ATXN7L1: variants seen among roughly 807,000 people sequenced by gnomAD.
ATXN7L1 encodes the protein ataxin 7 like 1.
Under a neutral mutation model 70.8 loss-of-function variants are expected in ATXN7L1, and 15 were observed. The observed-to-expected ratio is 0.21, with a 90% CI of 0.14 to 0.33. The LOEUF (loss-of-function observed/expected upper bound fraction) is 0.33, where lower values mean the gene tolerates loss of function less well. ATXN7L1 is among the 10% of genes least tolerant of loss of function. The pLI is 1.00. For synonymous variants in ATXN7L1, 440 were observed against 445.1 expected (o/e 0.99, Z 0.14); for missense variants, 975 against 1,097.1 (o/e 0.89, Z 1.57).
At chr7:105,645,640 C>CAAAAAAAAA (rs34135377) in intron 4 of ATXN7L1, among the ~76,000 whole-genome samples, 1 of 124,082 alleles carries the variant, frequency 8.1e-6, no homozygotes. Context: ...GCTAAAAATC[C>CAAAAAAAAA]AAAAAAAAAA....
At chr7:105,670,983 GT>G (rs780305791) in intron 3 of ATXN7L1, among the ~76,000 whole-genome samples, 126 of 152,006 alleles carry the variant, frequency 8.3e-4, no homozygotes, top group South Asian at 1.5e-3. Context: ...GCGGGCGCCT[GT>G]TAGTCCCAGC....
rs942502921 is a variant in ATXN7L1, at chr7:105,614,619, G to C, written c.1715C>G (p.Pro572Arg). 1.9e-6 allele frequency: 3 copies of C among 1,551,732 alleles called. No individual in the cohort carries two copies. Among genetic ancestry groups the C allele is most frequent in the South Asian group, 1.2e-5 (1 of 84,058 alleles). The change falls in exon 10 of 12, where the codon CCG becomes CGG. Residue 572 changes from proline (P) to arginine (R), a missense_variant. Pro to Arg is a moderately radical substitution (Grantham distance 103). Transcript: ENST00000419735. This position sits in a 1 kb window ranked among gnomAD's most constrained non-coding sequence, Gnocchi z 4.3. The stretch of plus-strand genomic sequence containing the variant: ...GTGGGACATGAGGGCGCTCGGGTCC[G>C]GCGATGTCACGAAAGCTGCGTTTGA... Reference protein sequence around the residue: ...MLSNAAFVTSPDPSALMSHTT... With the variant: ...MLSNAAFVTSRDPSALMSHTT...
intron 3 of ATXN7L1, among the ~76,000 whole-genome samples, chr7:105,696,442 G>A (rs1791715919): frequency 6.6e-6 from 1 of 152,142 alleles, no homozygotes. Flanking sequence ...CGTAACATGT[G>A]ACTTCTTTGA....
chr7:105,695,298 A>T (rs1318514134), intron 3 of ATXN7L1, among the ~76,000 whole-genome samples: 2 of 152,176 alleles, frequency 1.3e-5, no homozygotes, highest in African/African-American at 4.8e-5. Flanking sequence ...AAATAAATAA[A>T]CATTAAATAA....
chr7:105,614,806 G>T lies in ATXN7L1; in HGVS notation c.1528C>A (p.Pro510Thr). The change falls in exon 10 of 12, where the codon CCT (proline) becomes ACT (threonine). Residue 510 changes from proline to threonine, a missense_variant. By Grantham distance (38) the Pro-to-Thr change is conservative. Around this residue, in one of 5 missense-constraint regions of ATXN7L1, gnomAD observed 635 missense variants for 699.4 expected, o/e 0.91. Coordinates refer to ENST00000419735, the MANE Select transcript of ATXN7L1 (RefSeq NM_020725.2). The surrounding 1 kb of genome is among the most constrained non-coding windows in gnomAD (Gnocchi z 4.3). ...LNSQMWKKIPPAADSPLPSPA... is the reference protein window; with the variant it reads ...LNSQMWKKIPTAADSPLPSPA... ...GAGGGCAGGGGGCTATCTGCCGCAG[G>T]AGGGATCTTCCTAAACATGAGAGAA... 1 of 1,549,934 alleles carries T rather than the reference G, an allele frequency of 6.5e-7. No homozygotes were observed. The highest frequency in any genetic ancestry group is 8.7e-7 in the Non-Finnish European group (1 of 1,145,890).
At chr7:105,775,790 T>C (rs1292597669) in intron 3 of ATXN7L1, among the ~76,000 whole-genome samples, 1 of 152,144 alleles carries the variant, frequency 6.6e-6, no homozygotes, top group Non-Finnish European at 1.5e-5. Context: ...TGCAGTTTTG[T>C]TGTTCTTGTT....
At chr7:105,652,337 T>C (rs1215119814) in intron 4 of ATXN7L1, among the ~76,000 whole-genome samples, 1 of 152,152 alleles carries the variant, frequency 6.6e-6, no homozygotes, top group Non-Finnish European at 1.5e-5. Context: ...TGAATGGCCA[T>C]TGAAATTCAC....
At chr7:105,875,498 A>T (rs1818985470) in intron 2 of ATXN7L1, among the ~76,000 whole-genome samples, 1 of 152,156 alleles carries the variant, frequency 6.6e-6, no homozygotes, top group South Asian at 2.1e-4. Flanking sequence ...TTCATTTCAG[A>T]AATTTTAACG....
At chr7:105,870,591 T>C (rs1212164015) in intron 2 of ATXN7L1, among the ~76,000 whole-genome samples, 1 of 152,198 alleles carries the variant, frequency 6.6e-6, no homozygotes, top group Non-Finnish European at 1.5e-5. Context: ...GGGACACTTA[T>C]GAGGCACAGG....
intron 3 of ATXN7L1, among the ~76,000 whole-genome samples, chr7:105,768,921 C>G (rs1801625312): frequency 6.6e-6 from 1 of 152,214 alleles, no homozygotes; most frequent in Non-Finnish European, 1.5e-5. Flanking sequence ...AAATTTGCCT[C>G]CTGTACTGGG....
intron 3 of ATXN7L1, chr7:105,788,208 G>A (rs1275563186): frequency 2.2e-5 from 4 of 178,348 alleles, no homozygotes; most frequent in Non-Finnish European, 4.8e-5. Flanking sequence ...CTTGGCCGCA[G>A]CCCTCCTTTT....
chr7:105,672,291 C>A (rs1220926712), intron 3 of ATXN7L1, among the ~76,000 whole-genome samples: 2 of 151,570 alleles, frequency 1.3e-5, no homozygotes, highest in Non-Finnish European at 2.9e-5. Flanking sequence ...GTCCCCTGCC[C>A]CCCCCAAAAA....
At chr7:105,738,693 C>T (rs1797683026) in intron 3 of ATXN7L1, among the ~76,000 whole-genome samples, 1 of 152,252 alleles carries the variant, frequency 6.6e-6, no homozygotes, top group South Asian at 2.1e-4. Context: ...TCCCTGCTCT[C>T]AACCCCTCTG....
intron 3 of ATXN7L1, among the ~76,000 whole-genome samples, chr7:105,691,407 C>T (rs1392089323): frequency 6.6e-6 from 1 of 152,102 alleles, no homozygotes; most frequent in Non-Finnish European, 1.5e-5. Context: ...CGCCGTTTCT[C>T]TAAGTGGAGA....
chr7:105,734,577 C>T (rs1337282298), intron 3 of ATXN7L1, among the ~76,000 whole-genome samples: 1 of 152,070 alleles, frequency 6.6e-6, no homozygotes, highest in Non-Finnish European at 1.5e-5. Context: ...CCTTGCCCTC[C>T]AGCTGAGGCT....
intron 8 of ATXN7L1, among the ~76,000 whole-genome samples, chr7:105,622,273 G>T (rs10248369): frequency 0.25 from 37,752 of 152,166 alleles, 5,567 homozygotes; most frequent in Non-Finnish European, 0.35. Flanking sequence ...AGCCTGGCAG[G>T]TTGTCATCTG....
Position 105,745,136 on chromosome 7 carries a change from G to T in ATXN7L1, c.355+43468C>A, listed in dbSNP as rs566022152. On this transcript the variant is annotated intron_variant, in intron 3 of 11. Transcript: ENST00000419735. The stretch of plus-strand genomic sequence containing the variant: ...ATAATTGTACTCTGGTTATGTAAGA[G>T]AATATCTTTGTTTTTAGAAAATACA... 5.3e-5 allele frequency among the ~76,000 whole-genome samples: 8 copies of T among 152,234 alleles called. No individual in the cohort carries two copies. In the South Asian group the frequency reaches 1.2e-3, roughly 24 times the overall value.
At chr7:105,670,166 A>C (rs1449440758) in intron 3 of ATXN7L1, among the ~76,000 whole-genome samples, 2 of 152,178 alleles carry the variant, frequency 1.3e-5, no homozygotes, top group East Asian at 3.9e-4. Context: ...TAGTGATAGA[A>C]GAAGGCAGGG....
chr7:105,617,955 C>A (rs957321692), intron 9 of ATXN7L1: 1 of 456,706 alleles, frequency 2.2e-6, no homozygotes, highest in South Asian at 1.5e-5. Context: ...GTTTGGGCAG[C>A]GAGGTTGAGA....
Sources: allele counts gnomAD v4.1 joint callset (sites outside exome capture counted in the v4.1 genomes callset), GRCh38; gene constraint gnomAD v4.1.1; regional missense constraint gnomAD v4.1.1; non-coding constraint Gnocchi (gnomAD v3.1); transcripts MANE v1.5; gene names NCBI Gene and HGNC (gene_info 2026-07-23, HGNC 2026-07-21).